Variants in ATP8A2 observed in about 807,000 individuals in gnomAD.
The protein encoded by ATP8A2 is phospholipid-transporting ATPase IB.
A neutral mutation model predicts 165.6 loss-of-function variants in ATP8A2; 100 were observed. The observed-to-expected ratio is 0.60, with a 90% CI of 0.51 to 0.71. ATP8A2 has a LOEUF of 0.71. Among genes scored for constraint, ATP8A2 ranks in the 30% least tolerant of loss-of-function variants. The probability of loss-of-function intolerance (pLI) is 0.00; values close to 1 mark genes in which losing one functional copy is unlikely to be tolerated. For missense variants in ATP8A2, 1,227 were observed against 1,479.5 expected (o/e 0.83, Z 2.80); for synonymous variants, 543 against 548.8 (o/e 0.99, Z 0.15).
intron 24 of ATP8A2, among the ~76,000 whole-genome samples, chr13:25,691,273 T>A (rs2042718918): frequency 6.6e-6 from 1 of 152,216 alleles, no homozygotes; most frequent in Non-Finnish European, 1.5e-5. Context: ...TGGCCGGGGT[T>A]ACCTGACTCT....
At chr13:25,461,401 G>C (rs191803175) in intron 1 of ATP8A2, among the ~76,000 whole-genome samples, 1 of 152,324 alleles carries the variant, frequency 6.6e-6, no homozygotes, top group Non-Finnish European at 1.5e-5. Context: ...CCTGTGTTCT[G>C]AGGGATTATA....
At chr13:26,001,060 C>G (rs564015485) in intron 35 of ATP8A2, among the ~76,000 whole-genome samples, 64 of 152,340 alleles carry the variant, frequency 4.2e-4, no homozygotes, top group Admixed American at 3.1e-3. Flanking sequence ...TGCCCTACAG[C>G]CCCTGGCAAA....
intron 27 of ATP8A2, among the ~76,000 whole-genome samples, chr13:25,796,425 C>T (rs1171727828): frequency 6.6e-6 from 1 of 152,160 alleles, no homozygotes; most frequent in Admixed American, 6.5e-5. Context: ...ATTTGGGACC[C>T]TCTCTTCACT....
chr13:25,911,728 C>T (rs1954112169), intron 33 of ATP8A2, among the ~76,000 whole-genome samples: 1 of 152,184 alleles, frequency 6.6e-6, no homozygotes, highest in South Asian at 2.1e-4. Context: ...ACCTTCGCTG[C>T]TCGTTTTATA....
intron 34 of ATP8A2, among the ~76,000 whole-genome samples, chr13:25,964,658 A>G (rs1034698391): frequency 3.9e-5 from 6 of 152,186 alleles, no homozygotes; most frequent in Non-Finnish European, 8.8e-5. Flanking sequence ...CTGAGGCACG[A>G]TATCTGTGAT....
At chr13:25,954,138 G>A (rs1397890357) in intron 33 of ATP8A2, among the ~76,000 whole-genome samples, 1 of 152,222 alleles carries the variant, frequency 6.6e-6, no homozygotes, top group Non-Finnish European at 1.5e-5. Flanking sequence ...ACAGCTGTCT[G>A]AAGTTGACCT....
Position 26,021,019 on chromosome 13 carries a change from C to T in ATP8A2, c.*1034C>T, listed in dbSNP as rs976985541. ...TGGCATCCACTTACATTAGAACCCA[C>T]GTTTGTTTCAGAGCACATTTTGGAC... is the stretch of plus-strand genomic sequence containing the variant. On this transcript the variant is annotated 3_prime_UTR_variant, in exon 37 of 37. Transcript: ENST00000381655. 2 of 152,254 alleles carry T rather than the reference C, an allele frequency of 1.3e-5. No homozygotes were observed. Among genetic ancestry groups the T allele is most frequent in the South Asian group, 2.1e-4 (1 of 4,834 alleles). The allele number at this position is 152,254 out of a possible 1,614,324, so 9.4% of individuals were successfully genotyped here.
At chr13:25,823,104 G>A (rs1026509840) in intron 27 of ATP8A2, among the ~76,000 whole-genome samples, 1 of 152,326 alleles carries the variant, frequency 6.6e-6, no homozygotes, top group South Asian at 2.1e-4. Flanking sequence ...CACTGTAGCT[G>A]ACTGGAGGAG....
At chr13:25,949,209 A>G (rs1955284630) in intron 33 of ATP8A2, among the ~76,000 whole-genome samples, 1 of 152,242 alleles carries the variant, frequency 6.6e-6, no homozygotes, top group Admixed American at 6.5e-5. Context: ...TGGGCTCTGC[A>G]GGGGCAGGAG....
chr13:25,802,062 G>A (rs981149123), intron 27 of ATP8A2, among the ~76,000 whole-genome samples: 5 of 152,194 alleles, frequency 3.3e-5, no homozygotes, highest in Non-Finnish European at 7.3e-5. Context: ...AATTCAAGAT[G>A]AGATTTGGGT....
rs568343128 is a variant in ATP8A2, at chr13:25,411,993, C to A, written c.76+39705C>A. ...TTGTCTTCCTGTAATTCTGTCTCTT[C>A]CTGCGTCAGACCTGTACAGATTTCT... On this transcript the variant is annotated intron_variant, in intron 1 of 36. Coordinates refer to ENST00000381655, the MANE Select transcript of ATP8A2 (RefSeq NM_016529.6). Among the ~76,000 whole-genome samples, 3 of 152,334 alleles carry A rather than the reference C, an allele frequency of 2.0e-5. No homozygotes were observed. In the South Asian group the frequency reaches 6.2e-4, roughly 32 times the overall value.
chr13:25,634,841 G>A (rs2041330600), intron 24 of ATP8A2, among the ~76,000 whole-genome samples: 1 of 152,080 alleles, frequency 6.6e-6, no homozygotes, highest in Admixed American at 6.6e-5. Context: ...CCACATTAGG[G>A]AGTTAACGAC....
At chr13:25,594,984 GTA>G (rs58403530) in intron 24 of ATP8A2, among the ~76,000 whole-genome samples, 76,891 of 142,640 alleles carry the variant, frequency 0.54, 20,702 homozygotes, top group Admixed American at 0.62. Context: ...GTGTGTGTGT[GTA>G]TATATATATA....
intron 27 of ATP8A2, among the ~76,000 whole-genome samples, chr13:25,776,240 T>C (rs546749995): frequency 1.3e-5 from 2 of 152,306 alleles, no homozygotes; most frequent in Admixed American, 1.3e-4. Context: ...CAAAAGCCCC[T>C]TGTGGGCTGG....
intron 1 of ATP8A2, among the ~76,000 whole-genome samples, chr13:25,415,338 A>G: frequency 6.6e-6 from 1 of 152,014 alleles, no homozygotes; most frequent in Admixed American, 6.6e-5. Context: ...TGCCTTTGAA[A>G]CAGGTCCCCA....
At chr13:25,721,150 G>T (rs1406446556) in intron 25 of ATP8A2, among the ~76,000 whole-genome samples, 1 of 151,334 alleles carries the variant, frequency 6.6e-6, no homozygotes, top group African/African-American at 2.4e-5. Context: ...ATTTGGTAGG[G>T]ATAAGGGTCT....
intron 25 of ATP8A2, among the ~76,000 whole-genome samples, chr13:25,718,114 A>G (rs2043294734): frequency 6.6e-6 from 1 of 152,168 alleles, no homozygotes; most frequent in Non-Finnish European, 1.5e-5. Context: ...TGATGTTGGC[A>G]CTGGGCAGGT....
chr13:25,927,138 A>AG (rs1566275764), intron 33 of ATP8A2: 1 of 456,744 alleles, frequency 2.2e-6, no homozygotes. Flanking sequence ...TCCTGATACG[A>AG]GCACACAAAC....
intron 33 of ATP8A2, among the ~76,000 whole-genome samples, chr13:25,907,886 T>G (rs1358458385): frequency 1.3e-5 from 2 of 152,206 alleles, no homozygotes; most frequent in Non-Finnish European, 2.9e-5. Flanking sequence ...AGTTCTGTGA[T>G]GGACCAAGCA....
Sources: gnomAD v4.1 joint callset for allele counts (sites outside exome capture counted in the v4.1 genomes callset) on GRCh38, gnomAD v4.1.1 for gene constraint, MANE v1.5 for transcripts, NCBI Gene and HGNC (gene_info 2026-07-23, HGNC 2026-07-21) for gene names.